CHRNA7: variants seen among roughly 807,000 people sequenced by gnomAD.
CHRNA7 encodes the protein neuronal acetylcholine receptor subunit alpha-7.
A neutral mutation model predicts 48.0 loss-of-function variants in CHRNA7; 17 were observed. That is an observed-to-expected ratio of 0.35 (90% CI 0.24 to 0.53). The LOEUF (loss-of-function observed/expected upper bound fraction) is 0.53, where lower values mean the gene tolerates loss of function less well. Among genes scored for constraint, CHRNA7 ranks in the 20% least tolerant of loss-of-function variants. CHRNA7 has a pLI of 0.92. For synonymous variants in CHRNA7, 75 were observed against 242.3 expected (o/e 0.31, Z 6.41); for missense variants, 155 against 577.7 (o/e 0.27, Z 7.50).
Position 32,044,726 on chromosome 15 carries a change from G to GA in CHRNA7, c.195+13695dup, listed in dbSNP as rs1159107382. Among the ~76,000 whole-genome samples, 3 of 152,308 alleles carry GA rather than the reference G, an allele frequency of 2.0e-5. No individual in the cohort carries two copies. The East Asian group carries it at 5.8e-4, about 29-fold the overall frequency. The stretch of plus-strand genomic sequence containing the variant: ...CCCAGGGAATATTTGGCATTATCTT[G>GA]AAAAAATTTCAGTTGCCCCAACTGG... On this transcript the variant is annotated intron_variant, in intron 2 of 9. Transcript: ENST00000306901.
intron 2 of CHRNA7, among the ~76,000 whole-genome samples, chr15:32,051,698 C>T (rs2049685309): frequency 6.6e-6 from 1 of 152,218 alleles, no homozygotes; most frequent in Non-Finnish European, 1.5e-5. Flanking sequence ...TGAGATGAAC[C>T]TGGTAGCTCA....
At chr15:32,080,263 T>G (rs1005420754) in intron 2 of CHRNA7, among the ~76,000 whole-genome samples, 1 of 152,050 alleles carries the variant, frequency 6.6e-6, no homozygotes, top group African/African-American at 2.4e-5. Context: ...GTTGAAAACG[T>G]CAAAATCAAT....
At chr15:32,134,573 C>T (rs548916130) in intron 4 of CHRNA7, among the ~76,000 whole-genome samples, 1 of 152,162 alleles carries the variant, frequency 6.6e-6, no homozygotes, top group African/African-American at 2.4e-5. Flanking sequence ...TATGGAAACT[C>T]AATTTTTAAA....
intron 2 of CHRNA7, among the ~76,000 whole-genome samples, chr15:32,060,816 A>G (rs1187512113): frequency 6.6e-6 from 1 of 152,192 alleles, no homozygotes; most frequent in Non-Finnish European, 1.5e-5. Flanking sequence ...AATGGGGGCT[A>G]ATTGAGGAAA....
intron 4 of CHRNA7, among the ~76,000 whole-genome samples, chr15:32,126,589 A>G (rs1489925226): frequency 6.6e-6 from 1 of 152,148 alleles, no homozygotes; most frequent in Admixed American, 6.5e-5. Context: ...CCTTCAGTCC[A>G]TCTACTTAAT....
At chr15:32,105,993 GT>G (rs1268533826) in intron 3 of CHRNA7, among the ~76,000 whole-genome samples, 3 of 151,780 alleles carry the variant, frequency 2.0e-5, no homozygotes, top group Non-Finnish European at 4.4e-5. Context: ...TTCTATTCAT[GT>G]CCACAGCATG....
chr15:32,147,632 T>A (rs987167867), intron 4 of CHRNA7, among the ~76,000 whole-genome samples: 4 of 152,206 alleles, frequency 2.6e-5, no homozygotes, highest in African/African-American at 9.6e-5. Flanking sequence ...TGAATGCATT[T>A]TTCTGGAAGC....
At chr15:32,055,911 G>A (rs1244613799) in intron 2 of CHRNA7, among the ~76,000 whole-genome samples, 4 of 151,912 alleles carry the variant, frequency 2.6e-5, no homozygotes, top group Admixed American at 6.5e-5. Flanking sequence ...CCCGGGAGGC[G>A]GAGCTTGCAG....
intron 3 of CHRNA7, 78 bp from the exon 4 acceptor site, chr15:32,111,712 C>A: frequency 1.3e-6 from 1 of 792,764 alleles, no homozygotes; most frequent in Non-Finnish European, 2.2e-6. Flanking sequence ...TTTGGTTTTG[C>A]ACTTACCTAA....
intron 4 of CHRNA7, among the ~76,000 whole-genome samples, chr15:32,120,590 A>G (rs1210299682): frequency 6.6e-6 from 1 of 151,904 alleles, no homozygotes; most frequent in Non-Finnish European, 1.5e-5. Context: ...ACAGAACCCA[A>G]CTGCTGTCTG....
At chr15:32,147,895 A>G (rs575802593) in intron 4 of CHRNA7, among the ~76,000 whole-genome samples, 1 of 152,322 alleles carries the variant, frequency 6.6e-6, no homozygotes, top group African/African-American at 2.4e-5. Flanking sequence ...CAATCTGGGC[A>G]TTGCTTCCGT....
rs144069641 is a variant in CHRNA7, at chr15:32,070,155, C to T, written c.196-31148C>T. 4.8e-3 allele frequency among the ~76,000 whole-genome samples: 728 copies of T among 152,296 alleles called. 1 individual carries two copies. Among genetic ancestry groups the T allele is most frequent in the Non-Finnish European group, 7.7e-3 (527 of 68,032 alleles). ...ATAGGTTGAGACAAGTTTGTACACTCATGAAACCATTCCGACAATATAAAG... is the reference window on the plus strand; with the variant it reads ...ATAGGTTGAGACAAGTTTGTACACTTATGAAACCATTCCGACAATATAAAG... On this transcript the variant is annotated intron_variant, in intron 2 of 9. Coordinates refer to ENST00000306901, the MANE Select transcript of CHRNA7 (RefSeq NM_000746.6).
intron 3 of CHRNA7, among the ~76,000 whole-genome samples, chr15:32,108,579 G>T (rs1484960293): frequency 6.6e-6 from 1 of 152,164 alleles, no homozygotes; most frequent in African/African-American, 2.4e-5. Context: ...AGCCTGTGGG[G>T]GTTGCTGGTG....
intron 4 of CHRNA7, among the ~76,000 whole-genome samples, chr15:32,115,892 G>T (rs1186221044): frequency 2.0e-5 from 3 of 152,078 alleles, no homozygotes; most frequent in African/African-American, 7.2e-5. Flanking sequence ...AGAAAGCAAA[G>T]GAAAGAAATC....
intron 4 of CHRNA7, among the ~76,000 whole-genome samples, chr15:32,113,703 G>A (rs980777578): frequency 3.3e-5 from 5 of 152,038 alleles, no homozygotes; most frequent in Non-Finnish European, 5.9e-5. Flanking sequence ...AGAATGATGA[G>A]GATTCCTGCT....
intron 2 of CHRNA7, among the ~76,000 whole-genome samples, chr15:32,056,682 A>G (rs2049793764): frequency 6.6e-6 from 1 of 152,216 alleles, no homozygotes; most frequent in Admixed American, 6.5e-5. Flanking sequence ...TCCCATCACC[A>G]TCCTAAGACA....
intron 2 of CHRNA7, among the ~76,000 whole-genome samples, chr15:32,056,838 T>A (rs2141198076): frequency 6.6e-6 from 1 of 152,352 alleles, no homozygotes; most frequent in South Asian, 2.1e-4. Flanking sequence ...TCAGTATGGA[T>A]GTTCTTATTT....
At chr15:32,093,050 T>C (rs2050408577) in intron 2 of CHRNA7, among the ~76,000 whole-genome samples, 1 of 152,216 alleles carries the variant, frequency 6.6e-6, no homozygotes, top group Non-Finnish European at 1.5e-5. Flanking sequence ...CTCAAGGAAA[T>C]TCCTGAAAAC....
chr15:32,112,439 C>T (rs1457575844), intron 4 of CHRNA7: 1 of 439,396 alleles, frequency 2.3e-6, no homozygotes, highest in Non-Finnish European at 4.6e-6. Context: ...TTCTAATAGT[C>T]TTTCTCCTGA....
Sources: gnomAD v4.1 joint callset for allele counts (sites outside exome capture counted in the v4.1 genomes callset) on GRCh38, gnomAD v4.1.1 for gene constraint, MANE v1.5 for transcripts, NCBI Gene and HGNC (gene_info 2026-07-23, HGNC 2026-07-21) for gene names.